The following TRDMT1 variants were observed in gnomAD, a reference collection of about 807,000 sequenced individuals.
TRDMT1 encodes tRNA (cytosine(38)-C(5))-methyltransferase.
TRDMT1 carries 49 observed loss-of-function variants against 51.2 expected under a neutral mutation model. The ratio of observed to expected loss-of-function variants is 0.96; its 90% CI spans 0.76 to 1.21. The LOEUF (loss-of-function observed/expected upper bound fraction) is 1.21, where lower values mean the gene tolerates loss of function less well. TRDMT1 is among the 50% of genes most tolerant of loss of function. The probability of loss-of-function intolerance (pLI) is 0.00; values close to 1 mark genes in which losing one functional copy is unlikely to be tolerated. For missense variants in TRDMT1, 534 were observed against 462.3 expected (o/e 1.16, Z -1.42); for synonymous variants, 187 against 164.6 (o/e 1.14, Z -1.04).
In TRDMT1 at chr10:17,149,081, C is replaced by T. The variant is rs777285923; in HGVS notation, c.1135G>A (p.Val379Met). Reference sequence around the variant, plus strand: ...TTGATTAGTTTAGCTACTACATGCACGTTGAGACTATTTCCAAGTAGGCGA... The same window carrying T: ...TTGATTAGTTTAGCTACTACATGCATGTTGAGACTATTTCCAAGTAGGCGA... ...RYRLLGNSLNVHVVAKLIKIL... is the reference protein window; with the variant it reads ...RYRLLGNSLNMHVVAKLIKIL... The change falls in exon 11 of 11, where the codon GTG becomes ATG. Residue 379 changes from valine (V) to methionine (M), a missense_variant. Physicochemically the swap from Val to Met is conservative, Grantham distance 21 (BLOSUM62 1). Coordinates refer to ENST00000377799, the MANE Select transcript of TRDMT1 (RefSeq NM_004412.7). 6.2e-6 allele frequency: 10 copies of T among 1,611,428 alleles called. No homozygotes were observed. The highest frequency in any genetic ancestry group is 4.5e-5 in the East Asian group (2 of 44,724).
Position 17,151,023 on chromosome 10 carries a change from G to T in TRDMT1, c.1076-1883C>A, listed in dbSNP as rs377300590. The T allele has an allele frequency of 1.0e-5, 10 of 968,552 alleles. No homozygotes were observed. The African/African-American group carries it at 1.6e-4, about 15-fold the overall frequency. 60.0% of individuals were successfully genotyped at this position (968,552 alleles called of 1,614,324 possible). Reference sequence around the variant, plus strand: ...TGTGTGTGCATGTGTGTGTGTGTGCGTGCATCTGTGCATATTTCTTTAAAT... The same window carrying T: ...TGTGTGTGCATGTGTGTGTGTGTGCTTGCATCTGTGCATATTTCTTTAAAT... On this transcript the variant is annotated intron_variant, in intron 10 of 10. Transcript: ENST00000377799.
chr10:17,157,929 T>C (rs1839789612), intron 7 of TRDMT1, 145 bp from the exon 8 acceptor site: 1 of 635,398 alleles, frequency 1.6e-6, no homozygotes. Flanking sequence ...TTTACTTGTA[T>C]TTGTACAAGT....
At chr10:17,161,860 T>C (rs1263754077) in intron 4 of TRDMT1, among the ~76,000 whole-genome samples, 1 of 152,212 alleles carries the variant, frequency 6.6e-6, no homozygotes, top group Non-Finnish European at 1.5e-5. Context: ...GGTTTGCACA[T>C]ATTTCCAGGC....
chr10:17,154,814 TAATC>T (rs770542622), intron 8 of TRDMT1, 80 bp from the exon 9 acceptor site: 17 of 1,189,844 alleles, frequency 1.4e-5, no homozygotes, highest in Non-Finnish European at 1.9e-5. Flanking sequence ...TTGAATGAAT[TAATC>T]AATCTACACA....
chr10:17,174,370 A>G (rs536513880), intron 2 of TRDMT1, among the ~76,000 whole-genome samples, 181 bp downstream of exon 2: 1 of 152,326 alleles, frequency 6.6e-6, no homozygotes, highest in African/African-American at 2.4e-5. Flanking sequence ...CTATAGCTGG[A>G]CTTTTTTTTA....
chr10:17,173,308 T>A (rs899774637), intron 2 of TRDMT1, among the ~76,000 whole-genome samples: 33 of 152,186 alleles, frequency 2.2e-4, no homozygotes, highest in Non-Finnish European at 4.0e-4. Flanking sequence ...TGTGAATACA[T>A]ACACATATTG....
intron 10 of TRDMT1, chr10:17,151,697 T>A (rs1053373154): frequency 5.3e-5 from 48 of 902,162 alleles, no homozygotes; most frequent in Non-Finnish European, 5.8e-5. Flanking sequence ...CTTAAAATTT[T>A]AAAAAATGAG....
At chr10:17,161,870 C>T (rs1840408644) in intron 4 of TRDMT1, among the ~76,000 whole-genome samples, 1 of 152,156 alleles carries the variant, frequency 6.6e-6, no homozygotes, top group African/African-American at 2.4e-5. Context: ...TATTTCCAGG[C>T]CATGGGTAAC....
chr10:17,159,972 AAACATT>A (rs1175173593), intron 6 of TRDMT1, among the ~76,000 whole-genome samples: 1 of 152,162 alleles, frequency 6.6e-6, no homozygotes, highest in East Asian at 1.9e-4. Flanking sequence ...GATTATTTTG[AAACATT>A]AACATTATTA....
intron 1 of TRDMT1, among the ~76,000 whole-genome samples, chr10:17,196,020 T>C (rs935137785): frequency 2.6e-5 from 4 of 152,212 alleles, no homozygotes; most frequent in African/African-American, 9.6e-5. Context: ...CATATCTACA[T>C]ACAAATACAC....
Position 17,144,509 on chromosome 10 carries a change from T to A in TRDMT1, c.*4531A>T. 6.1e-6 allele frequency: 6 copies of A among 985,832 alleles called. No individual in the cohort carries two copies. Among genetic ancestry groups the A allele is most frequent in the Non-Finnish European group, 7.2e-6 (6 of 829,920 alleles). 61.1% of individuals were successfully genotyped at this position (985,832 alleles called of 1,614,324 possible). A position where few individuals can be genotyped will look rare whatever the true frequency, so the allele number is the denominator to read the frequency against. The stretch of plus-strand genomic sequence containing the variant: ...GCTTTAGGAGTCAAGTGTGGTGTAC[T>A]TGAGGGAGACTTCAGTAAGTGCTGG... On this transcript the variant is annotated 3_prime_UTR_variant, in exon 11 of 11. Transcript: ENST00000377799.
intron 9 of TRDMT1, 84 bp from the exon 10 acceptor site, chr10:17,153,720 T>C: frequency 2.2e-6 from 3 of 1,392,948 alleles, no homozygotes; most frequent in Non-Finnish European, 1.9e-6. Context: ...TGAAACTCGA[T>C]GGACATACAG....
intron 1 of TRDMT1, among the ~76,000 whole-genome samples, chr10:17,190,326 T>G (rs1844517065): frequency 6.6e-6 from 1 of 151,958 alleles, no homozygotes. Flanking sequence ...TATTTATCAT[T>G]ATGATAATAA....
chr10:17,180,497 G>A (rs1023357600), intron 1 of TRDMT1, among the ~76,000 whole-genome samples: 7 of 140,292 alleles, frequency 5.0e-5, no homozygotes, highest in African/African-American at 1.9e-4. Context: ...CCGAGATTGC[G>A]CCACTTCACT....
intron 1 of TRDMT1, among the ~76,000 whole-genome samples, chr10:17,190,190 C>G (rs999323795): frequency 1.3e-5 from 2 of 152,076 alleles, no homozygotes; most frequent in Admixed American, 1.3e-4. Flanking sequence ...AAGAGGAGAG[C>G]TGGTTGGCAC....
chr10:17,145,199 A>G lies in TRDMT1; in HGVS notation c.*3841T>C. 1.2e-6 allele frequency: 1 copy of G among 808,692 alleles called. No individual in the cohort carries two copies. Among genetic ancestry groups the G allele is most frequent in the Non-Finnish European group, 1.5e-6 (1 of 668,590 alleles). The allele number at this position is 808,692 out of a possible 1,614,324, so 50.1% of individuals were successfully genotyped here. On this transcript the variant is annotated 3_prime_UTR_variant, in exon 11 of 11. Coordinates refer to ENST00000377799, the MANE Select transcript of TRDMT1 (RefSeq NM_004412.7). The stretch of plus-strand genomic sequence containing the variant: ...GAGGGGGAGATTGCAGTGAGCCGAG[A>G]TCACGCCACTGCACTCCAGCCTAGG...
At chr10:17,152,190 A>C (rs1838832849) in intron 10 of TRDMT1, 1 of 872,032 alleles carries the variant, frequency 1.1e-6, no homozygotes, top group South Asian at 1.7e-5. Context: ...TTTGTTTTGT[A>C]ATGCTGTCAC....
chr10:17,194,469 C>T (rs1221557958), intron 1 of TRDMT1, among the ~76,000 whole-genome samples: 1 of 151,970 alleles, frequency 6.6e-6, no homozygotes, highest in Non-Finnish European at 1.5e-5. Context: ...AAGCAAAAAA[C>T]AAACAACCCC....
intron 1 of TRDMT1, among the ~76,000 whole-genome samples, chr10:17,188,940 T>C (rs1349013960): frequency 1.3e-5 from 2 of 152,218 alleles, no homozygotes; most frequent in East Asian, 3.8e-4. Context: ...AAAAATTACT[T>C]CTAGATCTTT....
Sources: allele counts gnomAD v4.1 joint callset (sites outside exome capture counted in the v4.1 genomes callset), GRCh38; gene constraint gnomAD v4.1.1; transcripts MANE v1.5; gene names NCBI Gene and HGNC (gene_info 2026-07-23, HGNC 2026-07-21).